The following LDLRAD4 variants were observed in gnomAD, a reference collection of about 807,000 sequenced individuals.
LDLRAD4 encodes the protein low-density lipoprotein receptor class A domain-containing protein 4.
In LDLRAD4, 5 loss-of-function variants were observed where a neutral mutation model predicts 17.0. The ratio of observed to expected loss-of-function variants is 0.29; its 90% CI spans 0.15 to 0.62. LDLRAD4 has a LOEUF of 0.62. Ranked by LOEUF, LDLRAD4 falls within the 20% of genes least tolerant of loss-of-function variation. The pLI, the probability that LDLRAD4 is intolerant of heterozygous loss-of-function variation, is 0.84. For synonymous variants in LDLRAD4, 168 were observed against 171.8 expected, an observed-to-expected ratio of 0.98 and a Z score of 0.17; for missense variants, 340 against 424.7, an observed-to-expected ratio of 0.80 and a Z score of 1.75.
chr18:13,565,405 T>A (rs1201316730), intron 3 of LDLRAD4, among the ~76,000 whole-genome samples: 1 of 150,922 alleles, frequency 6.6e-6, no homozygotes, highest in Non-Finnish European at 1.5e-5. Context: ...CCGGCCGTGC[T>A]GGCCTGCGAG....
intron 2 of LDLRAD4, among the ~76,000 whole-genome samples, chr18:13,397,055 C>T (rs1242231809): frequency 6.6e-6 from 1 of 152,254 alleles, no homozygotes; most frequent in Non-Finnish European, 1.5e-5. Context: ...CACGAGGGTT[C>T]TGTCCTAGGC....
rs548861050 is a variant in LDLRAD4, at chr18:13,526,445, G to A, written c.181+88061G>A. 4 of 152,310 alleles carry A rather than the reference G, an allele frequency of 2.6e-5. No individual in the cohort carries two copies. The South Asian group carries it at 8.3e-4, about 32-fold the overall frequency. 9.4% of individuals were successfully genotyped at this position (152,310 alleles called of 1,614,324 possible). ...AAATGAAGTTAGCTCCAAAAACAAA[G>A]CCAGAAGTATAAAAAAGCAATTAAA... is the stretch of plus-strand genomic sequence containing the variant. On this transcript the variant is annotated intron_variant, in intron 3 of 5. Coordinates refer to ENST00000359446, the Ensembl canonical transcript of LDLRAD4.
At chr18:13,262,422 G>A (rs1464670103) in intron 1 of LDLRAD4, among the ~76,000 whole-genome samples, 5 of 138,204 alleles carry the variant, frequency 3.6e-5, no homozygotes, top group Non-Finnish European at 6.1e-5. Context: ...GCTGAGTCCC[G>A]TGTGGCCCTG....
intron 3 of LDLRAD4, among the ~76,000 whole-genome samples, chr18:13,478,766 G>A (rs189867959): frequency 8.5e-4 from 130 of 152,328 alleles, no homozygotes; most frequent in African/African-American, 3.1e-3. Flanking sequence ...TTTGGATACG[G>A]AAAAACTGAT....
chr18:13,340,370 T>C (rs997990293), intron 1 of LDLRAD4, among the ~76,000 whole-genome samples: 12 of 152,162 alleles, frequency 7.9e-5, no homozygotes, highest in African/African-American at 2.9e-4. Context: ...GGCTGCACCA[T>C]TTTACATTCC....
chr18:13,491,700 T>C (rs2093361584), intron 3 of LDLRAD4: 2 of 152,182 alleles, frequency 1.3e-5, no homozygotes, highest in South Asian at 4.1e-4. Flanking sequence ...ATAAAGTTAA[T>C]GTCAAGTGGC....
Position 13,645,087 on chromosome 18 carries a change from C to A in LDLRAD4, c.391-40C>A, listed in dbSNP as rs373991921. 4.6e-6 allele frequency: 7 copies of A among 1,526,754 alleles called. No individual in the cohort carries two copies. In the South Asian group the frequency reaches 4.9e-5, roughly 11 times the overall value. 94.6% of individuals were successfully genotyped at this position (1,526,754 alleles called of 1,614,324 possible). ...TCTGACACATTTATGGTCATCATTG[C>A]GCTCAAACTGTCTTCAAGCCTCTCC... is the stretch of plus-strand genomic sequence containing the variant. On this transcript the variant is annotated intron_variant, in intron 5 of 5. Transcript: ENST00000359446. This position sits in a 1 kb window ranked among gnomAD's most constrained non-coding sequence, Gnocchi z 5.7.
chr18:13,364,711 A>C (rs1038915167), intron 1 of LDLRAD4, among the ~76,000 whole-genome samples: 2 of 152,124 alleles, frequency 1.3e-5, no homozygotes, highest in Non-Finnish European at 2.9e-5. Context: ...GAAAATCCTC[A>C]GTGGACGCAC....
chr18:13,324,848 A>G (rs1375551360), intron 1 of LDLRAD4, among the ~76,000 whole-genome samples: 1 of 152,322 alleles, frequency 6.6e-6, no homozygotes, highest in East Asian at 1.9e-4. Flanking sequence ...AGAAAACAGC[A>G]GAGGTAGGTG....
chr18:13,240,501 C>T (rs2145661124), intron 1 of LDLRAD4: 1 of 152,404 alleles, frequency 6.6e-6, no homozygotes, highest in Admixed American at 6.5e-5. Flanking sequence ...AAGACAGCGT[C>T]AGCACCTGGG....
At chr18:13,417,241 TAAG>T (rs1162801359) in intron 2 of LDLRAD4, among the ~76,000 whole-genome samples, 1 of 152,208 alleles carries the variant, frequency 6.6e-6, no homozygotes, top group Non-Finnish European at 1.5e-5. Context: ...AAAATTATTT[TAAG>T]AAGTATGTTT....
chr18:13,245,081 G>A (rs1017602220), intron 1 of LDLRAD4, among the ~76,000 whole-genome samples: 5 of 152,178 alleles, frequency 3.3e-5, no homozygotes, highest in Non-Finnish European at 5.9e-5. Flanking sequence ...GGGGGCATGG[G>A]TTCCCCTAAG....
At chr18:13,439,619 G>A (rs2090898013) in intron 3 of LDLRAD4, among the ~76,000 whole-genome samples, 1 of 152,206 alleles carries the variant, frequency 6.6e-6, no homozygotes. Flanking sequence ...CCTCTCACCT[G>A]GAGTCATCTG....
intron 1 of LDLRAD4, among the ~76,000 whole-genome samples, chr18:13,345,982 T>A (rs926673153): frequency 6.6e-5 from 10 of 152,344 alleles, no homozygotes; most frequent in Non-Finnish European, 1.2e-4. Flanking sequence ...TCTTCTTTAT[T>A]AGTCTTGCTA....
intron 4 of LDLRAD4, among the ~76,000 whole-genome samples, chr18:13,634,474 C>CA (rs1568435347): frequency 1.3e-5 from 2 of 151,798 alleles, no homozygotes; most frequent in South Asian, 4.2e-4. Flanking sequence ...TCAATAGCAT[C>CA]AAAAAAAGAG....
chr18:13,230,534 A>G (rs1454986745), intron 1 of LDLRAD4, among the ~76,000 whole-genome samples: 2 of 151,810 alleles, frequency 1.3e-5, no homozygotes, highest in Non-Finnish European at 2.9e-5. Context: ...ATAAATATAC[A>G]TGACCTGTGT....
chr18:13,282,762 C>G (rs1465492344), intron 1 of LDLRAD4, among the ~76,000 whole-genome samples: 1 of 152,224 alleles, frequency 6.6e-6, no homozygotes, highest in Non-Finnish European at 1.5e-5. Context: ...TGGTGGCCCT[C>G]TTCTCCCAGC....
chr18:13,327,822 G>A (rs143347186), intron 1 of LDLRAD4, among the ~76,000 whole-genome samples: 367 of 152,282 alleles, frequency 2.4e-3, no homozygotes, highest in African/African-American at 8.3e-3. Flanking sequence ...GTGCTGTCAC[G>A]AGCCATATCC....
intron 3 of LDLRAD4, chr18:13,612,491 G>A: frequency 7.4e-7 from 1 of 1,343,812 alleles, no homozygotes; most frequent in Non-Finnish European, 9.6e-7. Context: ...CTAGCACCTG[G>A]GGTGGGCCCT....
Sources: gnomAD v4.1 joint callset for allele counts (sites outside exome capture counted in the v4.1 genomes callset) on GRCh38, gnomAD v4.1.1 for gene constraint, Gnocchi (gnomAD v3.1) non-coding constraint, MANE v1.5 for transcripts, NCBI Gene and HGNC (gene_info 2026-07-23, HGNC 2026-07-21) for gene names.